The following SCAPER variants were observed in gnomAD, a reference collection of about 807,000 sequenced individuals.
SCAPER encodes the protein S phase cyclin A-associated protein in the endoplasmic reticulum.
SCAPER carries 98 observed loss-of-function variants against 182.2 expected under a neutral mutation model. The ratio of observed to expected loss-of-function variants is 0.54; its 90% CI spans 0.46 to 0.64. The LOEUF is 0.64. Among genes scored for constraint, SCAPER ranks in the 30% least tolerant of loss-of-function variants. The probability of loss-of-function intolerance (pLI) is 0.00; values close to 1 mark genes in which losing one functional copy is unlikely to be tolerated. For missense variants in SCAPER, 1,432 were observed against 1,690.0 expected (o/e 0.85, Z 2.68); for synonymous variants, 605 against 564.6 (o/e 1.07, Z -1.01).
chr15:76,878,150 G>A (rs1416727123), intron 2 of SCAPER, among the ~76,000 whole-genome samples: 2 of 151,776 alleles, frequency 1.3e-5, no homozygotes, highest in Non-Finnish European at 2.9e-5. Flanking sequence ...AACTAATGGG[G>A]CAAAATTAGC....
chr15:76,819,159 G>T (rs990069360), intron 5 of SCAPER, among the ~76,000 whole-genome samples: 43 of 152,210 alleles, frequency 2.8e-4, no homozygotes, highest in African/African-American at 9.9e-4. Flanking sequence ...CACATCTGGG[G>T]GCAGGGCACA....
chr15:76,797,258 T>C (rs760308470), intron 7 of SCAPER: 5 of 152,328 alleles, frequency 3.3e-5, no homozygotes, highest in Middle Eastern at 6.8e-3. Context: ...ACATTCACTC[T>C]AAAGAAGTAG....
chr15:76,640,578 T>G (rs1213356771), intron 21 of SCAPER, among the ~76,000 whole-genome samples: 1 of 152,216 alleles, frequency 6.6e-6, no homozygotes, highest in Admixed American at 6.5e-5. Context: ...TCCACTATCA[T>G]TAATTTTATT....
chr15:76,541,719 G>A (rs192742550), intron 23 of SCAPER, among the ~76,000 whole-genome samples: 16 of 152,258 alleles, frequency 1.1e-4, no homozygotes, highest in Non-Finnish European at 1.9e-4. Context: ...TGGTGGCAGA[G>A]TAATGCCTAG....
In SCAPER at chr15:76,621,731, A is replaced by C. The variant is rs2052081131; in HGVS notation, c.2711+33T>G. On this transcript the variant is annotated intron_variant, in intron 22 of 31. Transcript: ENST00000563290. ...ACACTTTTGTTACAGGCATAGACTG[A>C]AGAAAAGGAGAACTAAAATGTGGAA... The C allele has an allele frequency of 4.5e-6, 7 of 1,553,144 alleles. No homozygotes were observed. The South Asian group carries it at 7.0e-5, about 16-fold the overall frequency.
chr15:76,398,729 C>G (rs895966917), intron 27 of SCAPER, among the ~76,000 whole-genome samples: 3 of 152,172 alleles, frequency 2.0e-5, no homozygotes, highest in Admixed American at 1.3e-4. Context: ...TATATAACAT[C>G]AAACTTGTTT....
intron 29 of SCAPER, among the ~76,000 whole-genome samples, chr15:76,374,827 T>C (rs2042431991): frequency 6.6e-6 from 1 of 152,120 alleles, no homozygotes; most frequent in African/African-American, 2.4e-5. Flanking sequence ...CAGGAATTAC[T>C]ATTTGATATG....
At chr15:76,774,147 T>C (rs1341935988) in intron 9 of SCAPER, among the ~76,000 whole-genome samples, 1 of 151,864 alleles carries the variant, frequency 6.6e-6, no homozygotes. Context: ...TACTCAAAGT[T>C]AATAACAAAC....
chr15:76,695,026 C>T (rs940233658), intron 20 of SCAPER, among the ~76,000 whole-genome samples: 26 of 152,076 alleles, frequency 1.7e-4, no homozygotes, highest in African/African-American at 6.0e-4. Context: ...AGAGAAAGGA[C>T]CTTCTTTAAG....
chr15:76,790,091 C>T (rs946977815), intron 8 of SCAPER, among the ~76,000 whole-genome samples: 21 of 151,934 alleles, frequency 1.4e-4, no homozygotes, highest in Non-Finnish European at 2.4e-4. Flanking sequence ...ATTAGCCAGG[C>T]GTGGTGGCGG....
intron 15 of SCAPER, among the ~76,000 whole-genome samples, chr15:76,748,429 A>G (rs760065175): frequency 5.3e-5 from 8 of 152,124 alleles, no homozygotes; most frequent in Admixed American, 1.3e-4. Context: ...AAAGAGGTAA[A>G]TCTTCATGAT....
At chr15:76,663,359 T>C (rs942868878) in intron 21 of SCAPER, among the ~76,000 whole-genome samples, 1 of 152,096 alleles carries the variant, frequency 6.6e-6, no homozygotes. Context: ...ACAACTACTA[T>C]GGAAAACAGT....
chr15:76,895,961 A>AC (rs888062320), intron 1 of SCAPER, among the ~76,000 whole-genome samples: 1 of 151,188 alleles, frequency 6.6e-6, no homozygotes, highest in Non-Finnish European at 1.5e-5. Flanking sequence ...AATGGTGTGA[A>AC]CCCGGGAGGC....
chr15:76,866,628 A>G (rs1403065650), intron 2 of SCAPER, among the ~76,000 whole-genome samples: 1 of 152,200 alleles, frequency 6.6e-6, no homozygotes, highest in Admixed American at 6.5e-5. Context: ...ATTTTAAAGC[A>G]CAGATGCTTT....
At chr15:76,399,072 C>A (rs917538730) in intron 27 of SCAPER, among the ~76,000 whole-genome samples, 31 of 152,270 alleles carry the variant, frequency 2.0e-4, no homozygotes, top group African/African-American at 7.0e-4. Flanking sequence ...GATTTGAAAA[C>A]CATTGTTTTC....
chr15:76,626,178 C>T (rs1055738913), intron 21 of SCAPER, among the ~76,000 whole-genome samples: 33 of 151,962 alleles, frequency 2.2e-4, no homozygotes, highest in African/African-American at 5.8e-4. Context: ...CTGTTCAAAG[C>T]GTGATTATCT....
chr15:76,515,553 A>G (rs1239008392), intron 23 of SCAPER, among the ~76,000 whole-genome samples: 2 of 152,218 alleles, frequency 1.3e-5, no homozygotes, highest in Non-Finnish European at 2.9e-5. Flanking sequence ...TAACATGGAC[A>G]AACTCTAATG....
intron 22 of SCAPER, among the ~76,000 whole-genome samples, chr15:76,611,534 T>C (rs778366986): frequency 1.3e-5 from 2 of 152,074 alleles, no homozygotes; most frequent in African/African-American, 2.4e-5. Flanking sequence ...ACTGCAACTA[T>C]TGCAAAAAAT....
At chr15:76,808,448 A>G (rs1372088506) in intron 5 of SCAPER, among the ~76,000 whole-genome samples, 3 of 152,206 alleles carry the variant, frequency 2.0e-5, no homozygotes, top group African/African-American at 4.8e-5. Flanking sequence ...TAGCCCTGGG[A>G]GTTGATGAGG....
Sources: allele counts gnomAD v4.1 joint callset (sites outside exome capture counted in the v4.1 genomes callset), GRCh38; gene constraint gnomAD v4.1.1; transcripts MANE v1.5; gene names NCBI Gene and HGNC (gene_info 2026-07-23, HGNC 2026-07-21).